RAB3IP: variants seen among roughly 807,000 people sequenced by gnomAD.
RAB3IP encodes the protein rab-3A-interacting protein.
Under a neutral mutation model 59.1 loss-of-function variants are expected in RAB3IP, and 36 were observed. That is an observed-to-expected ratio of 0.61 (90% CI 0.47 to 0.80). The LOEUF is 0.80. Among genes scored for constraint, RAB3IP ranks in the 30% least tolerant of loss-of-function variants. The pLI is 0.00. For missense variants in RAB3IP, 511 were observed against 536.0 expected (o/e 0.95, Z 0.46); for synonymous variants, 207 against 191.2 (o/e 1.08, Z -0.68).
At chr12:69,759,841 T>C (rs1185391248) in intron 3 of RAB3IP, among the ~76,000 whole-genome samples, 1 of 149,770 alleles carries the variant, frequency 6.7e-6, no homozygotes, top group Non-Finnish European at 1.5e-5. Context: ...GCGGAGGGGC[T>C]CCTCACTTCT....
At chr12:69,773,186 G>A (rs1018851662) in intron 3 of RAB3IP, among the ~76,000 whole-genome samples, 9 of 151,980 alleles carry the variant, frequency 5.9e-5, no homozygotes, top group African/African-American at 2.2e-4. Flanking sequence ...TCTTTTGTAT[G>A]TTAACTTGCT....
At chr12:69,801,789 T>A in intron 8 of RAB3IP, 68 bp downstream of exon 8, 1 of 997,374 alleles carries the variant, frequency 1.0e-6, no homozygotes, top group Non-Finnish European at 1.6e-6. Context: ...TGCAGTTATT[T>A]AGTTTTTCTG....
At chr12:69,798,847 C>G (rs1877935238) in intron 6 of RAB3IP, among the ~76,000 whole-genome samples, 1 of 152,012 alleles carries the variant, frequency 6.6e-6, no homozygotes. Flanking sequence ...TCATATAAAT[C>G]AATATATGTT....
intron 4 of RAB3IP, among the ~76,000 whole-genome samples, chr12:69,786,502 C>T (rs1007558251): frequency 6.6e-6 from 1 of 152,082 alleles, no homozygotes; most frequent in Non-Finnish European, 1.5e-5. Flanking sequence ...AGCTATGTGA[C>T]TTGTTACATT....
At chr12:69,753,636 A>G (rs1003230867) in intron 1 of RAB3IP, among the ~76,000 whole-genome samples, 1 of 152,196 alleles carries the variant, frequency 6.6e-6, no homozygotes, top group Non-Finnish European at 1.5e-5. Flanking sequence ...GGTATGAGCC[A>G]CCAAGCCTGA....
rs185637501 is a variant in RAB3IP, at chr12:69,789,586, A to G, written c.606+4771A>G. On this transcript the variant is annotated intron_variant, in intron 4 of 10. Coordinates refer to ENST00000247833, the MANE Select transcript of RAB3IP (RefSeq NM_022456.5). ...GAGGGAACCCTTCCAAACTCATTTT[A>G]TGAGGCCAATATCACTCTGATACCA... 1.4e-4 allele frequency among the ~76,000 whole-genome samples: 21 copies of G among 152,290 alleles called. No individual in the cohort carries two copies. The South Asian group carries it at 2.3e-3, about 17-fold the overall frequency.
At chr12:69,745,666 T>C (rs1485438810) in intron 1 of RAB3IP, among the ~76,000 whole-genome samples, 1 of 151,648 alleles carries the variant, frequency 6.6e-6, no homozygotes, top group Non-Finnish European at 1.5e-5. Flanking sequence ...TGTTCACTTC[T>C]TTTTTTTTAA....
intron 3 of RAB3IP, among the ~76,000 whole-genome samples, chr12:69,763,900 C>T (rs1442919491): frequency 6.6e-6 from 1 of 152,186 alleles, no homozygotes; most frequent in African/African-American, 2.4e-5. Context: ...AGGATAATAG[C>T]CTCCAGCTGC....
At chr12:69,752,770 CA>C (rs1305830310) in intron 1 of RAB3IP, among the ~76,000 whole-genome samples, 5 of 152,088 alleles carry the variant, frequency 3.3e-5, no homozygotes, top group Non-Finnish European at 5.9e-5. Flanking sequence ...ATTAAAATGT[CA>C]AAATTTAATG....
chr12:69,769,731 GTC>G (rs1388599704), intron 3 of RAB3IP, among the ~76,000 whole-genome samples: 8 of 152,064 alleles, frequency 5.3e-5, no homozygotes, highest in African/African-American at 1.9e-4. Context: ...ATATAGATAT[GTC>G]TCTCTTTAAG....
At chr12:69,752,901 A>G (rs900721284) in intron 1 of RAB3IP, among the ~76,000 whole-genome samples, 1 of 152,238 alleles carries the variant, frequency 6.6e-6, no homozygotes, top group African/African-American at 2.4e-5. Flanking sequence ...ATATGTGGGT[A>G]TATGGATTAT....
chr12:69,807,209 G>A (rs1760955670), intron 8 of RAB3IP, among the ~76,000 whole-genome samples: 1 of 143,752 alleles, frequency 7.0e-6, no homozygotes, highest in Admixed American at 6.9e-5. Context: ...TGGGCGGCCA[G>A]GCAGAGGCTC....
intron 3 of RAB3IP, among the ~76,000 whole-genome samples, chr12:69,780,849 G>T (rs1488160116): frequency 6.6e-6 from 1 of 151,022 alleles, no homozygotes; most frequent in East Asian, 1.9e-4. Flanking sequence ...TTTGATTTTT[G>T]TTTTGTTATT....
rs71437123 is a variant in RAB3IP, at chr12:69,773,399, C to CTTTTTTTTTTTTTT, written c.511-11310_511-11297dup. Among the ~76,000 whole-genome samples, 216 of 47,996 alleles carry CTTTTTTTTTTTTTT rather than the reference C, an allele frequency of 4.5e-3. 4 individuals carry two copies. Among genetic ancestry groups the CTTTTTTTTTTTTTT allele is most frequent in the Non-Finnish European group, 5.4e-3 (145 of 26,800 alleles). 31.5% of individuals were successfully genotyped at this position (47,996 alleles called of 152,430 possible). Reference sequence around the variant, plus strand: ...ATACGCCTTCTACCCATTTGTCTTTCTTTTTTTTTTTTTTTTTTTTTTTTA... The same window carrying CTTTTTTTTTTTTTT: ...ATACGCCTTCTACCCATTTGTCTTTCTTTTTTTTTTTTTTTTTTTTTTTTTTTTTTTTTTTTTTA... On this transcript the variant is annotated intron_variant, in intron 3 of 10. Coordinates refer to ENST00000247833, the MANE Select transcript of RAB3IP (RefSeq NM_022456.5).
intron 8 of RAB3IP, among the ~76,000 whole-genome samples, chr12:69,810,617 C>G (rs751695410): frequency 6.8e-6 from 1 of 146,740 alleles, no homozygotes; most frequent in Non-Finnish European, 1.5e-5. Context: ...AATCAAAGTG[C>G]GTTCAAAGGA....
At chr12:69,797,663 T>C (rs1013657334) in intron 6 of RAB3IP, among the ~76,000 whole-genome samples, 41 of 152,010 alleles carry the variant, frequency 2.7e-4, no homozygotes, top group Non-Finnish European at 5.3e-4. Context: ...CCCAATGCTA[T>C]CCCTACCCCA....
intron 7 of RAB3IP, 108 bp from the exon 8 acceptor site, chr12:69,801,501 C>A: frequency 1.8e-6 from 1 of 545,744 alleles, no homozygotes; most frequent in Non-Finnish European, 3.0e-6. Context: ...TAAAGCCAAG[C>A]TAGTGGAACT....
intron 2 of RAB3IP, among the ~76,000 whole-genome samples, chr12:69,756,099 G>A (rs1389055748): frequency 6.6e-6 from 1 of 152,150 alleles, no homozygotes; most frequent in Non-Finnish European, 1.5e-5. Flanking sequence ...TATAAAAACG[G>A]GTGGAAGGCT....
chr12:69,779,819 TCC>T (rs1382721047), intron 3 of RAB3IP, among the ~76,000 whole-genome samples: 3 of 152,220 alleles, frequency 2.0e-5, no homozygotes, highest in Non-Finnish European at 2.9e-5. Flanking sequence ...ATCACACATC[TCC>T]ATCTTTTTAG....
Sources: gnomAD v4.1 joint callset for allele counts (sites outside exome capture counted in the v4.1 genomes callset) on GRCh38, gnomAD v4.1.1 for gene constraint, MANE v1.5 for transcripts, NCBI Gene and HGNC (gene_info 2026-07-23, HGNC 2026-07-21) for gene names.